Variants in JARID2 observed in about 807,000 individuals in gnomAD.
The protein encoded by JARID2 is protein Jumonji.
JARID2 carries 21 observed loss-of-function variants against 125.6 expected under a neutral mutation model. The observed-to-expected ratio is 0.17, with a 90% CI of 0.12 to 0.24. The LOEUF (loss-of-function observed/expected upper bound fraction) is 0.24, where lower values mean the gene tolerates loss of function less well. Ranked by LOEUF, JARID2 falls within the 10% of genes least tolerant of loss-of-function variation. The probability of loss-of-function intolerance (pLI) is 1.00; values close to 1 mark genes in which losing one functional copy is unlikely to be tolerated. For missense variants in JARID2, 1,303 were observed against 1,639.6 expected (o/e 0.79, Z 3.55); for synonymous variants, 736 against 661.6 (o/e 1.11, Z -1.73).
intron 2 of JARID2, among the ~76,000 whole-genome samples, chr6:15,381,113 G>C (rs575502979): frequency 7.9e-5 from 12 of 151,754 alleles, no homozygotes; most frequent in Admixed American, 3.3e-4. Context: ...CAGCACTTTG[G>C]GGGGCCGAGG....
intron 1 of JARID2, chr6:15,368,649 C>T (rs1764058189): frequency 2.1e-6 from 1 of 473,640 alleles, no homozygotes; most frequent in Admixed American, 2.2e-5. Context: ...AAGGAACTAG[C>T]ATTACTTAGT....
At chr6:15,416,702 GGGGAGAGGGAGA>G (rs889882472) in intron 3 of JARID2, among the ~76,000 whole-genome samples, 7 of 147,584 alleles carry the variant, frequency 4.7e-5, no homozygotes, top group South Asian at 4.3e-4. Flanking sequence ...GGGAGACCGT[GGGGAGAGGGAGA>G]GGGAGAGGGG....
intron 8 of JARID2, among the ~76,000 whole-genome samples, chr6:15,503,354 G>C (rs1424004249): frequency 2.0e-5 from 3 of 152,228 alleles, no homozygotes; most frequent in Middle Eastern, 6.3e-3. Flanking sequence ...CGTTCCTGTA[G>C]TTAGAACCCC....
intron 1 of JARID2, among the ~76,000 whole-genome samples, chr6:15,318,772 C>G (rs1762258518): frequency 6.6e-6 from 1 of 152,154 alleles, no homozygotes; most frequent in Non-Finnish European, 1.5e-5. Context: ...CTTGAGATTC[C>G]CGGATTGCTC....
chr6:15,449,693 A>T, intron 3 of JARID2, among the ~76,000 whole-genome samples: 1 of 151,958 alleles, frequency 6.6e-6, no homozygotes, highest in Non-Finnish European at 1.5e-5. Flanking sequence ...AAAAAAAAAA[A>T]GTGCTCTGAA....
At chr6:15,300,238 A>G (rs542245978) in intron 1 of JARID2, among the ~76,000 whole-genome samples, 7 of 152,124 alleles carry the variant, frequency 4.6e-5, no homozygotes, top group Non-Finnish European at 8.8e-5. Context: ...TGACCACAGG[A>G]CCTTTTCTCT....
At chr6:15,320,949 C>T (rs1762335488) in intron 1 of JARID2, among the ~76,000 whole-genome samples, 1 of 151,564 alleles carries the variant, frequency 6.6e-6, no homozygotes, top group African/African-American at 2.4e-5. Context: ...GGTACATTTT[C>T]TCATCTTGTT....
intron 4 of JARID2, among the ~76,000 whole-genome samples, chr6:15,459,519 A>G (rs1304883819): frequency 1.3e-5 from 2 of 152,186 alleles, no homozygotes; most frequent in Non-Finnish European, 1.5e-5. Context: ...CCATGGGTGC[A>G]GAAGTGTCTG....
intron 17 of JARID2, among the ~76,000 whole-genome samples, chr6:15,517,806 C>T (rs929604822): frequency 1.4e-4 from 21 of 152,314 alleles, no homozygotes; most frequent in African/African-American, 4.3e-4. Context: ...CTCTGAGTGG[C>T]GGAACTCCTG....
intron 1 of JARID2, among the ~76,000 whole-genome samples, chr6:15,318,144 A>G (rs903457470): frequency 4.6e-5 from 7 of 152,120 alleles, no homozygotes; most frequent in African/African-American, 1.7e-4. Flanking sequence ...CTGGAGGCGG[A>G]GGTTACAGTG....
chr6:15,333,061 A>G (rs946677726), intron 1 of JARID2, among the ~76,000 whole-genome samples: 1 of 148,372 alleles, frequency 6.7e-6, no homozygotes, highest in Admixed American at 6.9e-5. Context: ...CCTCCCGAGT[A>G]GCTTGGGACT....
chr6:15,509,597 C>G (rs1771177377), intron 12 of JARID2, among the ~76,000 whole-genome samples: 1 of 152,234 alleles, frequency 6.6e-6, no homozygotes, highest in South Asian at 2.1e-4. Context: ...TTAGCCGGGC[C>G]AGGCCACCAG....
chr6:15,498,888 C>CA (rs1396031020), intron 7 of JARID2, among the ~76,000 whole-genome samples: 1 of 152,356 alleles, frequency 6.6e-6, no homozygotes, highest in Admixed American at 6.5e-5. Context: ...GGAACCGCAC[C>CA]AAGTCCTCCT....
chr6:15,403,019 G>A (rs1346959123), intron 2 of JARID2, among the ~76,000 whole-genome samples: 1 of 152,066 alleles, frequency 6.6e-6, no homozygotes, highest in Non-Finnish European at 1.5e-5. Flanking sequence ...ATTATTCTAG[G>A]TACTGTACTT....
At chr6:15,252,899 G>T (rs981499964) in intron 1 of JARID2, among the ~76,000 whole-genome samples, 1 of 151,932 alleles carries the variant, frequency 6.6e-6, no homozygotes, top group Non-Finnish European at 1.5e-5. Context: ...CCTCACCCTT[G>T]CAGGCATCTT....
In JARID2 at chr6:15,285,677, A is replaced by T. The variant is rs192372674; in HGVS notation, c.45+39093A>T. Among the ~76,000 whole-genome samples, 16 of 152,298 alleles carry T rather than the reference A, an allele frequency of 1.1e-4. No homozygotes were observed. In the East Asian group the frequency reaches 2.7e-3, roughly 26 times the overall value. ...TCCTGAGACCTTTTCTAGTTCTCTA[A>T]CATGTTCCCCAATAAACGAGGTTAG... is the stretch of plus-strand genomic sequence containing the variant. On this transcript the variant is annotated intron_variant, in intron 1 of 17. Transcript: ENST00000341776.
chr6:15,250,822 G>T (rs1759417320), intron 1 of JARID2, among the ~76,000 whole-genome samples: 1 of 151,984 alleles, frequency 6.6e-6, no homozygotes, highest in Non-Finnish European at 1.5e-5. Flanking sequence ...AATAACTCCA[G>T]TGTTAATATA....
chr6:15,412,431 C>A (rs1284787641), intron 3 of JARID2, among the ~76,000 whole-genome samples: 2 of 152,112 alleles, frequency 1.3e-5, no homozygotes, highest in East Asian at 3.8e-4. Flanking sequence ...GCCTCAGCCT[C>A]CTGAGTAGCT....
intron 4 of JARID2, among the ~76,000 whole-genome samples, chr6:15,456,884 T>TTTTC (rs1768203494): frequency 6.7e-6 from 1 of 149,116 alleles, no homozygotes; most frequent in East Asian, 1.9e-4. Flanking sequence ...TAAGCTTTTT[T>TTTTC]TTTTTTTTTT....
Sources: gnomAD v4.1 joint callset for allele counts (sites outside exome capture counted in the v4.1 genomes callset) on GRCh38, gnomAD v4.1.1 for gene constraint, MANE v1.5 for transcripts, NCBI Gene and HGNC (gene_info 2026-07-23, HGNC 2026-07-21) for gene names.